Variants in TBC1D22A observed in about 807,000 individuals in gnomAD.
The protein encoded by TBC1D22A is TBC1 domain family member 22A.
In TBC1D22A, 38 loss-of-function variants were observed where a neutral mutation model predicts 60.2. The ratio of observed to expected loss-of-function variants is 0.63; its 90% CI spans 0.49 to 0.83. The LOEUF is 0.83. Among genes scored for constraint, TBC1D22A ranks in the 40% least tolerant of loss-of-function variants. The pLI is 0.00. For synonymous variants in TBC1D22A, 302 were observed against 281.7 expected (o/e 1.07, Z -0.72); for missense variants, 628 against 701.0 (o/e 0.90, Z 1.18).
intron 4 of TBC1D22A, among the ~76,000 whole-genome samples, chr22:46,878,340 G>GAGAGGGAGAGAGAGAA (rs2067671413): frequency 4.6e-5 from 7 of 150,692 alleles, no homozygotes; most frequent in East Asian, 1.9e-4. Context: ...AGAAGGAGGT[G>GAGAGGGAGAGAGAGAA]GGAGGGAAGG....
At chr22:46,959,779 A>G (rs893286601) in intron 8 of TBC1D22A, among the ~76,000 whole-genome samples, 3 of 152,186 alleles carry the variant, frequency 2.0e-5, no homozygotes, top group African/African-American at 4.8e-5. Flanking sequence ...AGGTTTTCCT[A>G]TGACTTACTG....
At chr22:46,832,622 G>A (rs2086359827) in intron 4 of TBC1D22A, among the ~76,000 whole-genome samples, 1 of 152,140 alleles carries the variant, frequency 6.6e-6, no homozygotes, top group South Asian at 2.1e-4. Context: ...CTCCAGCCTG[G>A]GCAACAAGAG....
intron 5 of TBC1D22A, among the ~76,000 whole-genome samples, chr22:46,881,083 G>A (rs939650955): frequency 6.6e-6 from 1 of 152,058 alleles, no homozygotes; most frequent in African/African-American, 2.4e-5. Context: ...CAGGAACACA[G>A]GCTGGGGTAG....
intron 5 of TBC1D22A, among the ~76,000 whole-genome samples, chr22:46,886,392 G>A (rs375761407): frequency 2.0e-5 from 3 of 152,156 alleles, no homozygotes; most frequent in South Asian, 2.1e-4. Context: ...GTAATTCACC[G>A]AGCGATTGTT....
At chr22:47,166,055 G>A (rs371255956) in intron 12 of TBC1D22A, among the ~76,000 whole-genome samples, 2 of 152,216 alleles carry the variant, frequency 1.3e-5, no homozygotes, top group Non-Finnish European at 2.9e-5. Flanking sequence ...TTGCATGTTG[G>A]CAATTTGTAA....
intron 11 of TBC1D22A, among the ~76,000 whole-genome samples, 157 bp downstream of exon 11, chr22:47,037,355 C>T (rs1046384953): frequency 3.9e-5 from 6 of 152,048 alleles, no homozygotes; most frequent in African/African-American, 1.2e-4. Flanking sequence ...CCTGGCCGGG[C>T]GCGGTGGCTC....
chr22:47,171,453 AG>A (rs1218022603), intron 12 of TBC1D22A, among the ~76,000 whole-genome samples: 1 of 152,156 alleles, frequency 6.6e-6, no homozygotes, highest in Admixed American at 6.5e-5. Context: ...CAAATTCTCG[AG>A]GACCAGAGCC....
At chr22:47,169,465 T>A (rs1410527024) in intron 12 of TBC1D22A, among the ~76,000 whole-genome samples, 1 of 152,152 alleles carries the variant, frequency 6.6e-6, no homozygotes, top group Admixed American at 6.5e-5. Flanking sequence ...TTTGAGCTCC[T>A]TGGGTGCTGA....
chr22:47,009,520 CCATCACCATCAT>C lies in TBC1D22A; in HGVS notation c.1201+11817_1201+11828del. 6.7e-6 allele frequency among the ~76,000 whole-genome samples: 1 copy of C among 150,274 alleles called. No individual in the cohort carries two copies. The highest frequency in any genetic ancestry group is 1.5e-5 in the Non-Finnish European group (1 of 67,696). ...ACCATCATCACCACCATCATCTTCA[CCATCACCATCAT>C]CATCATTGCCATCATCACCATCATT... On this transcript the variant is annotated intron_variant, in intron 10 of 12. Coordinates refer to ENST00000337137, the MANE Select transcript of TBC1D22A (RefSeq NM_014346.5). This position sits in a 1 kb window ranked among gnomAD's most constrained non-coding sequence, Gnocchi z 5.8.
At chr22:47,172,719 T>A (rs1295755973) in intron 12 of TBC1D22A, among the ~76,000 whole-genome samples, 3 of 152,154 alleles carry the variant, frequency 2.0e-5, no homozygotes, top group Non-Finnish European at 4.4e-5. Context: ...GGTGGCCCCA[T>A]TTTGCAGAGG....
At chr22:46,874,269 G>T (rs568958387) in intron 4 of TBC1D22A, among the ~76,000 whole-genome samples, 3 of 152,250 alleles carry the variant, frequency 2.0e-5, no homozygotes, top group African/African-American at 7.2e-5. Context: ...CTTTGTAATA[G>T]AACGATTTAT....
intron 4 of TBC1D22A, among the ~76,000 whole-genome samples, chr22:46,862,186 A>C (rs1187338855): frequency 6.6e-6 from 1 of 152,076 alleles, no homozygotes; most frequent in Non-Finnish European, 1.5e-5. Context: ...GCGGTATGGA[A>C]CCTGGCGCAC....
At chr22:46,954,517 T>C (rs1451453309) in intron 8 of TBC1D22A, among the ~76,000 whole-genome samples, 1 of 152,172 alleles carries the variant, frequency 6.6e-6, no homozygotes, top group African/African-American at 2.4e-5. Flanking sequence ...CCCCTCTCAT[T>C]GGCCCCCTCT....
intron 12 of TBC1D22A, among the ~76,000 whole-genome samples, chr22:47,161,402 C>A (rs1015153629): frequency 1.3e-5 from 2 of 152,198 alleles, no homozygotes; most frequent in African/African-American, 4.8e-5. Context: ...TTTACACTCA[C>A]AGGAGTTGCC....
chr22:47,100,557 T>C (rs549143335), intron 11 of TBC1D22A, among the ~76,000 whole-genome samples: 1 of 152,284 alleles, frequency 6.6e-6, no homozygotes, highest in South Asian at 2.1e-4. Flanking sequence ...TTTCCCATGC[T>C]GTTCTCATGA....
chr22:46,841,886 A>G (rs1040356784), intron 4 of TBC1D22A, among the ~76,000 whole-genome samples: 3 of 152,268 alleles, frequency 2.0e-5, no homozygotes, highest in African/African-American at 4.8e-5. Flanking sequence ...GGTGAAGGAT[A>G]TAATTAACTT....
In TBC1D22A at chr22:47,121,203, A is replaced by G. The variant is rs369758540; in HGVS notation, c.1425+9600A>G. On this transcript the variant is annotated intron_variant, in intron 12 of 12. Coordinates refer to ENST00000337137, the MANE Select transcript of TBC1D22A (RefSeq NM_014346.5). ...AAAATGGAAGCAAATGCTCTCTCAAATAAGCACCGCTTTTAGCGAGGGGCC... is the reference window on the plus strand; with the variant it reads ...AAAATGGAAGCAAATGCTCTCTCAAGTAAGCACCGCTTTTAGCGAGGGGCC... Among the ~76,000 whole-genome samples, 10 of 152,390 alleles carry G rather than the reference A, an allele frequency of 6.6e-5. No individual in the cohort carries two copies. In the East Asian group the frequency reaches 1.7e-3, roughly 26 times the overall value.
At position 46,941,635 on chromosome 22, in the gene TBC1D22A, C is replaced by T. The variant is rs956664845; in HGVS notation, c.1015+29447C>T. On this transcript the variant is annotated intron_variant, in intron 8 of 12. Coordinates refer to ENST00000337137, the MANE Select transcript of TBC1D22A (RefSeq NM_014346.5). The stretch of plus-strand genomic sequence containing the variant: ...GGAATATATATACGGAATATATATA[C>T]GCGGAATATATATACGGAATATATA... Among the ~76,000 whole-genome samples the T allele has an allele frequency of 4.2e-4, 60 of 142,056 alleles. 1 individual carries two copies. In the East Asian group the frequency reaches 8.1e-3, roughly 19 times the overall value. The allele number at this position is 142,056 out of a possible 152,430, so 93.2% of individuals were successfully genotyped here. A position where few individuals can be genotyped will look rare whatever the true frequency, so the allele number is the denominator to read the frequency against.
chr22:47,142,695 C>T (rs1368494207), intron 12 of TBC1D22A, among the ~76,000 whole-genome samples: 17 of 89,530 alleles, frequency 1.9e-4, no homozygotes, highest in Non-Finnish European at 3.4e-4. Flanking sequence ...CACCCACCCC[C>T]ATCCATCTAC....
Sources: gnomAD v4.1 joint callset for allele counts (sites outside exome capture counted in the v4.1 genomes callset) on GRCh38, gnomAD v4.1.1 for gene constraint, Gnocchi (gnomAD v3.1) non-coding constraint, MANE v1.5 for transcripts, NCBI Gene and HGNC (gene_info 2026-07-23, HGNC 2026-07-21) for gene names.